GAPVD1: variants seen among roughly 807,000 people sequenced by gnomAD.
GAPVD1 encodes GTPase activating protein and VPS9 domains 1, also known as GTPase-activating protein and VPS9 domain-containing protein 1.
A neutral mutation model predicts 155.5 loss-of-function variants in GAPVD1; 35 were observed. That is an observed-to-expected ratio of 0.23 (90% CI 0.17 to 0.30). The LOEUF (loss-of-function observed/expected upper bound fraction) is 0.30, where lower values mean the gene tolerates loss of function less well. GAPVD1 is among the 10% of genes least tolerant of loss of function. The pLI is 1.00. For synonymous variants in GAPVD1, 636 were observed against 619.7 expected, an observed-to-expected ratio of 1.03 and a Z score of -0.39; for missense variants, 1,429 against 1,775.7, an observed-to-expected ratio of 0.80 and a Z score of 3.51.
chr9:125,293,702 A>ATATAAAAAT (rs1839060611), intron 2 of GAPVD1, among the ~76,000 whole-genome samples: 5 of 48,538 alleles, frequency 1.0e-4, no homozygotes, highest in Admixed American at 1.8e-4. Flanking sequence ...ATTTATATTA[A>ATATAAAAAT]ATATATATTT....
chr9:125,345,904 A>C (rs1848459192), intron 19 of GAPVD1: 1 of 151,962 alleles, frequency 6.6e-6, no homozygotes, highest in South Asian at 2.1e-4. Context: ...TATAAAATCT[A>C]GTGATTTCGA....
chr9:125,265,421 C>G (rs1273674800), intron 1 of GAPVD1, among the ~76,000 whole-genome samples: 2 of 151,384 alleles, frequency 1.3e-5, no homozygotes, highest in Non-Finnish European at 2.9e-5. Flanking sequence ...TTTTTCTGTT[C>G]TTCTTTCTGA....
At chr9:125,302,935 A>C in intron 5 of GAPVD1, 109 bp downstream of exon 5, 1 of 1,339,204 alleles carries the variant, frequency 7.5e-7, no homozygotes, top group Non-Finnish European at 1.0e-6. Context: ...TATTCTTACA[A>C]CTTTTTCTCA....
intron 23 of GAPVD1, among the ~76,000 whole-genome samples, chr9:125,352,528 G>T (rs1849454185): frequency 6.6e-6 from 1 of 152,222 alleles, no homozygotes; most frequent in Admixed American, 6.5e-5. Flanking sequence ...GGAGGGCAGG[G>T]CACCAAGTCC....
intron 12 of GAPVD1, among the ~76,000 whole-genome samples, chr9:125,328,537 G>T (rs1845551729): frequency 7.0e-6 from 1 of 142,126 alleles, no homozygotes; most frequent in South Asian, 2.3e-4. Context: ...AGATCAACAG[G>T]ATCCCAAGGC....
Position 125,326,571 on chromosome 9 carries a change from C to G in GAPVD1, c.2014C>G (p.Arg672Gly), listed in dbSNP as rs751904510. 15 of 1,611,446 alleles carry G rather than the reference C, an allele frequency of 9.3e-6. No homozygotes were observed. Among genetic ancestry groups the G allele is most frequent in the Non-Finnish European group, 1.3e-5 (15 of 1,178,298 alleles). Residue 672 changes from arginine (R) to glycine (G), a missense_variant, in exon 12 of 28, where the codon CGC becomes GGC. Physicochemically the swap from Arg to Gly is moderately radical, Grantham distance 125. Around this residue, in one of 4 missense-constraint regions of GAPVD1, gnomAD observed 699 missense variants for 826.0 expected, o/e 0.85. Coordinates refer to ENST00000297933, the MANE Select transcript of GAPVD1 (RefSeq NM_001282680.3). Reference protein sequence around the residue: ...SDFDPNIDEDRLQEIAGAAAE... With the variant: ...SDFDPNIDEDGLQEIAGAAAE... ...CTTTGACCCTAATATTGATGAAGAT[C>G]GCTTGCAAGAAATTGCAGGTAACTG...
intron 8 of GAPVD1, among the ~76,000 whole-genome samples, chr9:125,309,627 G>A (rs923429822): frequency 9.2e-5 from 14 of 152,168 alleles, no homozygotes; most frequent in African/African-American, 3.1e-4. Context: ...GAGCCACCGT[G>A]CCCGGGCACT....
chr9:125,263,501 T>C, intron 1 of GAPVD1: 1 of 739,750 alleles, frequency 1.4e-6, no homozygotes, highest in Admixed American at 2.3e-5. Context: ...GTTTTTTGGA[T>C]TTATAAGTCT....
intron 27 of GAPVD1, among the ~76,000 whole-genome samples, chr9:125,362,030 T>C (rs10986721): frequency 0.022 from 3,380 of 152,318 alleles, 127 homozygotes; most frequent in East Asian, 0.088. Flanking sequence ...GGCTTCCACA[T>C]GTGATAAATC....
In GAPVD1 at chr9:125,337,082, G is replaced by A. The variant is rs538114490; in HGVS notation, c.2493G>A (p.Leu831=). 1.9e-6 allele frequency: 3 copies of A among 1,612,370 alleles called. No homozygotes were observed. The highest frequency in any genetic ancestry group is 4.5e-5 in the East Asian group (2 of 44,868). ...CTCTGCTGGCCATGTTTGATCCACT[G>A]TCTTCACATGAAGGTAAACCAGTGA... ...SESLLAMFDP[L]SSHEGASAVV... Residue 831 remains leucine (L), a synonymous_variant, in exon 16 of 28, where the codon CTG becomes CTA. Coordinates refer to ENST00000297933, the MANE Select transcript of GAPVD1 (RefSeq NM_001282680.3).
At position 125,321,425 on chromosome 9, in the gene GAPVD1, T is replaced by C; in HGVS notation, c.1603-8T>C. The C allele has an allele frequency of 6.2e-7, 1 of 1,605,070 alleles. No individual in the cohort carries two copies. The highest frequency in any genetic ancestry group is 8.5e-7 in the Non-Finnish European group (1 of 1,174,754). ...TTGATAAACCAAAATTGACATTTTA[T>C]TTTTTAGGTCCTAAACATGCAGCTT... On this transcript the variant is annotated splice_region_variant and splice_polypyrimidine_tract_variant and intron_variant, in intron 9 of 27. Coordinates refer to ENST00000297933, the MANE Select transcript of GAPVD1 (RefSeq NM_001282680.3).
intron 13 of GAPVD1, among the ~76,000 whole-genome samples, chr9:125,331,065 C>A (rs1160886591): frequency 6.6e-6 from 1 of 150,604 alleles, no homozygotes; most frequent in Non-Finnish European, 1.5e-5. Flanking sequence ...GCATTTTTTT[C>A]TGATTATGAA....
chr9:125,323,694 A>G (rs1229214097), intron 10 of GAPVD1, 104 bp from the exon 11 acceptor site: 1 of 1,119,922 alleles, frequency 8.9e-7, no homozygotes, highest in African/African-American at 1.6e-5. Context: ...AAAAGTATTA[A>G]AAACACTTTA....
chr9:125,305,066 G>A lies in GAPVD1; in HGVS notation c.1033G>A (p.Gly345Ser), dbSNP rs1427530869. The stretch of plus-strand genomic sequence containing the variant: ...CTACCACTGCTTTGGGTTGCAGGTA[G>A]GCCGCCTTTTGCAGCAGTTAGCAAT... ...EVARFNLMQV[G>S]RLLQQLAMTG... The change falls in exon 6 of 28, where the codon GGC (glycine) becomes AGC (serine). Residue 345 changes from glycine (G) to serine (S), a missense_variant. Gly to Ser is a moderately conservative substitution (Grantham distance 56). This residue lies in a region of GAPVD1 where 628 missense variants were observed against 733.4 expected (regional missense o/e 0.86). Coordinates refer to ENST00000297933, the MANE Select transcript of GAPVD1 (RefSeq NM_001282680.3). 1 of 1,612,562 alleles carries A rather than the reference G, an allele frequency of 6.2e-7. No individual in the cohort carries two copies. Among genetic ancestry groups the A allele is most frequent in the African/African-American group, 1.3e-5 (1 of 74,886 alleles).
At chr9:125,332,205 A>T (rs929426055) in intron 14 of GAPVD1, 145 bp downstream of exon 14, 27 of 812,428 alleles carry the variant, frequency 3.3e-5, no homozygotes, top group Non-Finnish European at 2.7e-5. Context: ...TTGCACCTGA[A>T]ATCTTTGAGA....
intron 25 of GAPVD1, among the ~76,000 whole-genome samples, chr9:125,358,035 C>G (rs565118202): frequency 4.9e-4 from 74 of 151,716 alleles, no homozygotes; most frequent in African/African-American, 1.7e-3. Flanking sequence ...AAAAATTAAC[C>G]TGGAATAGTA....
In GAPVD1 at chr9:125,331,936, C is replaced by T. The variant is rs540043756; in HGVS notation, c.2184C>T (p.Asp728=). ...TTATCTTCTATTTAGAGGCCCCAGA[C>T]CTAAAGCAGGAGGAGCGTCTGCAAG... ...EVLPSDSEAP[D]LKQEERLQEL... is the part of the protein sequence containing the mutation. Residue 728 remains aspartate (D), a synonymous_variant, in exon 14 of 28, where the codon GAC becomes GAT. Transcript: ENST00000297933. 6 of 1,613,898 alleles carry T rather than the reference C, an allele frequency of 3.7e-6. No homozygotes were observed. In the African/African-American group the frequency reaches 6.7e-5, roughly 18 times the overall value.
chr9:125,286,437 C>T (rs181786406), intron 2 of GAPVD1, among the ~76,000 whole-genome samples: 2 of 152,136 alleles, frequency 1.3e-5, no homozygotes, highest in Admixed American at 6.5e-5. Context: ...AACCACCACT[C>T]CTGGCCAGCT....
rs200449709 is a variant in GAPVD1 at position 125,302,784 on chromosome 9, C to T, written c.987C>T (p.Ser329=). Residue 329 remains serine (S), a synonymous_variant, in exon 5 of 28, where the codon TCC becomes TCT. Coordinates refer to ENST00000297933, the MANE Select transcript of GAPVD1 (RefSeq NM_001282680.3). ...VVNPEQYGII[S]DAPINEVARF... is the part of the protein sequence containing the mutation. ...ATCCAGAACAATATGGAATAATTTCCGATGCTCCTATTAATGAAGTAGCAC... is the reference window on the plus strand; with the variant it reads ...ATCCAGAACAATATGGAATAATTTCTGATGCTCCTATTAATGAAGTAGCAC... 8.5e-5 allele frequency: 137 copies of T among 1,610,592 alleles called. No individual in the cohort carries two copies. Among genetic ancestry groups the T allele is most frequent in the Middle Eastern group, 3.3e-4 (2 of 6,066 alleles).
Sources: allele counts gnomAD v4.1 joint callset (sites outside exome capture counted in the v4.1 genomes callset), GRCh38; gene constraint gnomAD v4.1.1; regional missense constraint gnomAD v4.1.1; transcripts MANE v1.5; gene names NCBI Gene and HGNC (gene_info 2026-07-23, HGNC 2026-07-21).